NCAPG: variants seen among roughly 807,000 people sequenced by gnomAD.
NCAPG encodes the protein condensin complex subunit 3.
NCAPG carries 69 observed loss-of-function variants against 113.1 expected under a neutral mutation model. That is an observed-to-expected ratio of 0.61 (90% confidence interval 0.50 to 0.75). The LOEUF (loss-of-function observed/expected upper bound fraction) is 0.75. Among genes scored for constraint, NCAPG ranks in the 30% least tolerant of loss-of-function variants. NCAPG has a pLI of 0.00. For missense variants in NCAPG, 1,058 were observed against 1,177.0 expected, an observed-to-expected ratio of 0.90 and a Z score of 1.48; for synonymous variants, 370 against 415.8, an observed-to-expected ratio of 0.89 and a Z score of 1.34.
At chr4:17,832,946 C>A (rs1325272750) in intron 13 of NCAPG, among the ~76,000 whole-genome samples, 1 of 152,140 alleles carries the variant, frequency 6.6e-6, no homozygotes, top group Admixed American at 6.5e-5. Context: ...CAATCAGGAA[C>A]TGCTCTTGAA....
intron 5 of NCAPG, 142 bp from the exon 6 acceptor site, chr4:17,817,119 A>T: frequency 1.7e-6 from 1 of 596,276 alleles, no homozygotes; most frequent in East Asian, 2.9e-5. Flanking sequence ...CTCAAAAAAT[A>T]TATATATACA....
intron 5 of NCAPG, 53 bp downstream of exon 5, chr4:17,815,411 C>T (rs1468844186): frequency 3.0e-6 from 4 of 1,337,012 alleles, no homozygotes; most frequent in Non-Finnish European, 4.1e-6. Flanking sequence ...TGAGGTCAGA[C>T]TTAACAAGGT....
chr4:17,840,304 G>T, intron 18 of NCAPG, 95 bp downstream of exon 18: 2 of 1,298,370 alleles, frequency 1.5e-6, no homozygotes, highest in South Asian at 2.1e-5. Flanking sequence ...ATGTTTGGTT[G>T]GACATCAGAA....
chr4:17,823,990 A>G (rs1397546934), intron 9 of NCAPG, among the ~76,000 whole-genome samples: 1 of 152,120 alleles, frequency 6.6e-6, no homozygotes, highest in Non-Finnish European at 1.5e-5. Context: ...TTGTTGAATC[A>G]GTTTGAAATG....
Position 17,843,312 on chromosome 4 carries a change from G to A in NCAPG, c.2935G>A (p.Val979Ile). 1 of 1,611,388 alleles carries A rather than the reference G, an allele frequency of 6.2e-7. No individual in the cohort carries two copies. Among genetic ancestry groups the A allele is most frequent in the Non-Finnish European group, 8.5e-7 (1 of 1,177,990 alleles). Reference protein sequence around the residue: ...AEADSESDHEVPEPESEMKMR... With the variant: ...AEADSESDHEIPEPESEMKMR... ...TCAACATCTATTTAGTGATCATGAA[G>A]TTCCAGAACCAGAATCAGAAATGAA... The change falls in exon 21 of 21, where the codon GTT (valine) becomes ATT (isoleucine). Residue 979 changes from valine to isoleucine, a missense_variant. Transcript: ENST00000251496.
intron 14 of NCAPG, 34 bp from the exon 15 acceptor site, chr4:17,837,125 A>G (rs1722131353): frequency 6.3e-7 from 1 of 1,598,128 alleles, no homozygotes; most frequent in Non-Finnish European, 8.6e-7. Flanking sequence ...GGAGATACAA[A>G]TAAATTTCTT....
rs1192151885 is a variant in NCAPG, at chr4:17,818,108, G to C, written c.1118+20G>C. 1 of 1,588,580 alleles carries C rather than the reference G, an allele frequency of 6.3e-7. No homozygotes were observed. The highest frequency in any genetic ancestry group is 8.6e-7 in the Non-Finnish European group (1 of 1,169,232). On this transcript the variant is annotated intron_variant, in intron 7 of 20. Coordinates refer to ENST00000251496, the MANE Select transcript of NCAPG (RefSeq NM_022346.5). ...ATTGAGGTAAATTTTTTTTCTTTTA[G>C]TTTGGAGAGTGATTGTGTTGCTGCA... is the stretch of plus-strand genomic sequence containing the variant.
intron 11 of NCAPG, among the ~76,000 whole-genome samples, chr4:17,827,463 G>T (rs1721694736): frequency 6.6e-6 from 1 of 152,182 alleles, no homozygotes; most frequent in Non-Finnish European, 1.5e-5. Context: ...AATGACAGTG[G>T]ATTTGGAAAG....
In NCAPG at chr4:17,814,946, T is replaced by C. The variant is rs752706715; in HGVS notation, c.638T>C (p.Ile213Thr). 6.2e-7 allele frequency: 1 copy of C among 1,614,192 alleles called. No homozygotes were observed. Among genetic ancestry groups the C allele is most frequent in the Non-Finnish European group, 8.5e-7 (1 of 1,180,036 alleles). The change falls in exon 4 of 21, where the codon ATT (isoleucine) becomes ACT (threonine). Residue 213 changes from isoleucine to threonine, a missense_variant. Coordinates refer to ENST00000251496, the MANE Select transcript of NCAPG (RefSeq NM_022346.5). ...IAPSAKTLPKIVGRTKDVKEA... is the reference protein window; with the variant it reads ...IAPSAKTLPKTVGRTKDVKEA... ...CCATCAGCAAAGACTTTGCCAAAAA[T>C]TGTAGGGCGCACCAAGGATGTGAAA...
chr4:17,840,606 G>T lies in NCAPG; in HGVS notation c.2768-1G>T. ...TATTGTTGTATTATTCCCTTTAATA[G>T]AAAAGAATAAAGAAGTATATATGAC... is the stretch of plus-strand genomic sequence containing the variant. On this transcript the variant is annotated splice_acceptor_variant, in intron 18 of 20. Transcript: ENST00000251496. LOFTEE classifies it high-confidence loss of function. 6.9e-7 allele frequency: 1 copy of T among 1,447,594 alleles called. No individual in the cohort carries two copies. The highest frequency in any genetic ancestry group is 9.2e-7 in the Non-Finnish European group (1 of 1,090,676). 89.7% of individuals were successfully genotyped at this position (1,447,594 alleles called of 1,614,324 possible).
In NCAPG at chr4:17,839,300, G is replaced by A. The variant is rs139062304; in HGVS notation, c.2467-376G>A. Among the ~76,000 whole-genome samples the A allele has an allele frequency of 6.9e-3, 1,057 of 152,280 alleles. 17 individuals carry two copies. The highest frequency in any genetic ancestry group is 0.023 in the African/African-American group (965 of 41,562). On this transcript the variant is annotated intron_variant, in intron 16 of 20. Coordinates refer to ENST00000251496, the MANE Select transcript of NCAPG (RefSeq NM_022346.5). ...AAGCTGAAACACTGTACTTGTGCAC[G>A]GGCCAGTCATTGGATTTGGACAAAT...
chr4:17,826,740 A>G (rs1277757388), intron 11 of NCAPG, among the ~76,000 whole-genome samples: 1 of 152,212 alleles, frequency 6.6e-6, no homozygotes, highest in Non-Finnish European at 1.5e-5. Flanking sequence ...TCAGGGAAGT[A>G]TAGAGGTTTT....
Position 17,831,121 on chromosome 4 carries a change from G to C in NCAPG, c.1884+5G>C, listed in dbSNP as rs1035095473. On this transcript the variant is annotated splice_donor_5th_base_variant and intron_variant, in intron 13 of 20. Transcript: ENST00000251496. Reference sequence around the variant, plus strand: ...CACTTCGTATTACTATTGCAGGTAGGATTTATCTTGTGATAAATCTCAACT... The same window carrying C: ...CACTTCGTATTACTATTGCAGGTAGCATTTATCTTGTGATAAATCTCAACT... 3 of 1,610,676 alleles carry C rather than the reference G, an allele frequency of 1.9e-6. No homozygotes were observed. The highest frequency in any genetic ancestry group is 1.7e-5 in the Admixed American group (1 of 59,250).
At chr4:17,839,531 A>T in intron 16 of NCAPG, 145 bp from the exon 17 acceptor site, 1 of 514,164 alleles carries the variant, frequency 1.9e-6, no homozygotes, top group Non-Finnish European at 3.2e-6. Context: ...TTTTGGGGGT[A>T]GGGAGGATGT....
chr4:17,825,198 A>G, intron 10 of NCAPG, 141 bp downstream of exon 10: 1 of 795,988 alleles, frequency 1.3e-6, no homozygotes, highest in Non-Finnish European at 2.0e-6. Flanking sequence ...AATATTTAAA[A>G]TGTTACCACA....
intron 20 of NCAPG, chr4:17,843,090 A>C: frequency 2.3e-6 from 1 of 430,930 alleles, no homozygotes; most frequent in Non-Finnish European, 4.2e-6. Context: ...TAGTATATAA[A>C]ATCATTAGCT....
Position 17,837,310 on chromosome 4 carries a change from T to C in NCAPG, c.2261T>C (p.Val754Ala). ...EDVQLRHCLG[V>A]FFPVFAYASR... ...GTTCAACTTCGACATTGCCTAGGCG[T>C]GTTCTTCCCCGTGTTTGCTTATGCA... Residue 754 changes from valine (V) to alanine (A), a missense_variant, in exon 15 of 21, where the codon GTG (valine) becomes GCG (alanine). Transcript: ENST00000251496. The C allele has an allele frequency of 1.9e-6, 3 of 1,613,512 alleles. No individual in the cohort carries two copies. Among genetic ancestry groups the C allele is most frequent in the Non-Finnish European group, 2.5e-6 (3 of 1,179,760 alleles).
intron 7 of NCAPG, among the ~76,000 whole-genome samples, chr4:17,822,017 T>G (rs890912268): frequency 6.6e-6 from 1 of 152,072 alleles, no homozygotes; most frequent in Non-Finnish European, 1.5e-5. Flanking sequence ...ATGGTGGTGG[T>G]GTATACAGAG....
intron 20 of NCAPG, chr4:17,843,087 T>TA: frequency 2.4e-6 from 1 of 423,920 alleles, no homozygotes; most frequent in Admixed American, 3.7e-5. Context: ...TTATAGTATA[T>TA]AAAATCATTA....
Sources: gnomAD v4.1 joint callset for allele counts (sites outside exome capture counted in the v4.1 genomes callset) on GRCh38, gnomAD v4.1.1 for gene constraint, MANE v1.5 for transcripts, NCBI Gene and HGNC (gene_info 2026-07-23, HGNC 2026-07-21) for gene names.